GRIP1: variants seen among roughly 807,000 people sequenced by gnomAD.
The protein encoded by GRIP1 is glutamate receptor interacting protein 1, also known as glutamate receptor-interacting protein 1.
Under a neutral mutation model 129.9 loss-of-function variants are expected in GRIP1, and 45 were observed. The observed-to-expected ratio is 0.35, with a 90% CI of 0.27 to 0.44. The LOEUF (loss-of-function observed/expected upper bound fraction) is 0.44, where lower values mean the gene tolerates loss of function less well. Ranked by LOEUF, GRIP1 falls within the 20% of genes least tolerant of loss-of-function variation. The pLI, the probability that GRIP1 is intolerant of heterozygous loss-of-function variation, is 1.00. For synonymous variants in GRIP1, 530 were observed against 520.8 expected, an observed-to-expected ratio of 1.02 and a Z score of -0.24; for missense variants, 1,196 against 1,396.8, an observed-to-expected ratio of 0.86 and a Z score of 2.29.
rs192397798 is a variant in GRIP1, at chr12:66,780,904, C to T, written c.-420+23149G>A. On this transcript the variant is annotated intron_variant, in intron 1 of 4. Coordinates refer to the GRIP1 transcript ENST00000538373. ...GGCTCAACTAGAATACCTGCATGTG[C>T]TAGAATACCTACAGTTGAGCTGAGG... Among the ~76,000 whole-genome samples, 59 of 152,256 alleles carry T rather than the reference C, an allele frequency of 3.9e-4. 1 individual carries two copies. In the Middle Eastern group the frequency reaches 0.014, roughly 35 times the overall value.
At chr12:66,796,503 T>C (rs2038703140) in intron 1 of GRIP1, among the ~76,000 whole-genome samples, 1 of 152,152 alleles carries the variant, frequency 6.6e-6, no homozygotes, top group Admixed American at 6.5e-5. Context: ...CCCAACATCC[T>C]GTTCTCCAAG....
intron 1 of GRIP1, among the ~76,000 whole-genome samples, chr12:66,614,287 C>G (rs985204662): frequency 2.0e-5 from 3 of 152,102 alleles, no homozygotes; most frequent in Non-Finnish European, 4.4e-5. Flanking sequence ...AGCCGTCTAT[C>G]TGGCATCTCT....
chr12:66,523,568 C>G (rs2061103721), intron 5 of GRIP1, among the ~76,000 whole-genome samples: 1 of 152,034 alleles, frequency 6.6e-6, no homozygotes, highest in South Asian at 2.1e-4. Context: ...CCAGCCGCTG[C>G]AAAAACATGC....
chr12:66,465,354 C>T lies in GRIP1; in HGVS notation c.793G>A (p.Val265Ile). ...VAKTPGASLG[V>I]ALTTSMCCNK... ...CAGCACATCGAGGTAGTTAGGGCAA[C>T]CCCAAGGCTGGCACCAGGAGTTTTG... Residue 265 changes from valine (V) to isoleucine (I), a missense_variant, in exon 8 of 25, where the codon GTT becomes ATT. Coordinates refer to ENST00000359742, the MANE Select transcript of GRIP1 (RefSeq NM_001366722.1). The T allele has an allele frequency of 6.2e-7, 1 of 1,613,802 alleles. No individual in the cohort carries two copies.
intron 1 of GRIP1, among the ~76,000 whole-genome samples, chr12:66,730,774 A>G (rs2036412516): frequency 6.6e-6 from 1 of 151,476 alleles, no homozygotes; most frequent in African/African-American, 2.4e-5. Context: ...GTGACGGACC[A>G]CAGTACTGAA....
upstream of GRIP1, among the ~76,000 whole-genome samples, chr12:66,805,854 C>T (rs375144519): frequency 1.4e-3 from 219 of 152,000 alleles, no homozygotes; most frequent in African/African-American, 5.1e-3. Context: ...ATTTTGTATG[C>T]CTTAGGAGTA....
At chr12:67,008,850 A>T (rs1328605807) in intron 1 of GRIP1, among the ~76,000 whole-genome samples, 13 of 152,154 alleles carry the variant, frequency 8.5e-5, no homozygotes, top group Non-Finnish European at 1.8e-4. Flanking sequence ...TTAAAAATCC[A>T]TATGCTTTCA....
chr12:66,763,936 A>G (rs1451355772), intron 1 of GRIP1, among the ~76,000 whole-genome samples: 1 of 152,238 alleles, frequency 6.6e-6, no homozygotes, highest in East Asian at 1.9e-4. Context: ...AAAGTGGTGC[A>G]GCAAGCACTG....
intron 1 of GRIP1, among the ~76,000 whole-genome samples, chr12:67,016,248 A>G (rs1004396628): frequency 2.6e-5 from 4 of 152,212 alleles, no homozygotes; most frequent in African/African-American, 7.2e-5. Context: ...GAGAATTTAA[A>G]GCACTGAGAC....
chr12:66,976,487 T>A lies in GRIP1; in HGVS notation c.58+92563A>T, dbSNP rs540577748. Among the ~76,000 whole-genome samples the A allele has an allele frequency of 1.2e-3, 176 of 152,328 alleles. 2 individuals carry two copies. The highest frequency in any genetic ancestry group is 0.011 in the South Asian group (55 of 4,828). On this transcript the variant is annotated intron_variant, in intron 1 of 1. Coordinates refer to the GRIP1 transcript ENST00000643019. ...TACACCACTTATCTTGTACATATATTTTCATTTGAACATTTCACCTCCAAA... is the reference window on the plus strand; with the variant it reads ...TACACCACTTATCTTGTACATATATATTCATTTGAACATTTCACCTCCAAA...
chr12:66,858,007 T>C (rs1178363356), intron 1 of GRIP1, among the ~76,000 whole-genome samples: 4 of 151,972 alleles, frequency 2.6e-5, no homozygotes, highest in Non-Finnish European at 4.4e-5. Flanking sequence ...GTGAGGTTTA[T>C]AGAGGAAACA....
At chr12:66,994,443 T>TA (rs35992790) in intron 1 of GRIP1, among the ~76,000 whole-genome samples, 2,367 of 144,052 alleles carry the variant, frequency 0.016, 25 homozygotes, top group African/African-American at 0.035. Context: ...CCTTTTATGA[T>TA]AAAAAAAAAA....
chr12:66,797,035 T>C (rs1322030951), intron 1 of GRIP1, among the ~76,000 whole-genome samples: 1 of 152,172 alleles, frequency 6.6e-6, no homozygotes, highest in African/African-American at 2.4e-5. Flanking sequence ...TGGTTGGATG[T>C]TTCAGAAAAG....
intron 5 of GRIP1, among the ~76,000 whole-genome samples, chr12:66,526,320 CA>C (rs1457563146): frequency 6.6e-6 from 1 of 152,044 alleles, no homozygotes; most frequent in Non-Finnish European, 1.5e-5. Context: ...GGTACTGGTA[CA>C]AAAACACAGA....
chr12:66,763,210 C>G (rs1406065174), intron 1 of GRIP1, among the ~76,000 whole-genome samples: 1 of 152,132 alleles, frequency 6.6e-6, no homozygotes, highest in African/African-American at 2.4e-5. Context: ...CTTTGAACTT[C>G]CACTATCAGA....
intron 1 of GRIP1, among the ~76,000 whole-genome samples, chr12:66,982,684 A>C (rs560070917): frequency 6.6e-6 from 1 of 152,280 alleles, no homozygotes; most frequent in South Asian, 2.1e-4. Context: ...TGAGCTTAGA[A>C]GTGGGTTCAC....
chr12:66,613,575 T>C (rs2064907032), intron 1 of GRIP1, among the ~76,000 whole-genome samples: 2 of 152,126 alleles, frequency 1.3e-5, no homozygotes, highest in African/African-American at 2.4e-5. Context: ...AAGGACAGGG[T>C]AGTATCATTA....
intron 4 of GRIP1, among the ~76,000 whole-genome samples, chr12:66,536,979 G>A (rs932524819): frequency 1.3e-5 from 2 of 152,022 alleles, no homozygotes; most frequent in African/African-American, 2.4e-5. Context: ...CATAAACACT[G>A]GGCAGCAGTC....
Position 66,348,205 on chromosome 12 carries a change from T to C in GRIP1, c.*814A>G, listed in dbSNP as rs1592659891. On this transcript the variant is annotated 3_prime_UTR_variant, in exon 25 of 25. Coordinates refer to ENST00000359742, the MANE Select transcript of GRIP1 (RefSeq NM_001366722.1). ...GGTTTGCCTATCATTAAGATGAACC[T>C]CATTTTAATAGACTCTTCATTCTCT... 1 of 152,214 alleles carries C rather than the reference T, an allele frequency of 6.6e-6. No individual in the cohort carries two copies. The highest frequency in any genetic ancestry group is 1.9e-4 in the East Asian group (1 of 5,196). The allele number at this position is 152,214 out of a possible 1,614,324, so 9.4% of individuals were successfully genotyped here.
Sources: gnomAD v4.1 joint callset for allele counts (sites outside exome capture counted in the v4.1 genomes callset) on GRCh38, gnomAD v4.1.1 for gene constraint, MANE v1.5 for transcripts, NCBI Gene and HGNC (gene_info 2026-07-23, HGNC 2026-07-21) for gene names.